PTPRD: variants seen among roughly 807,000 people sequenced by gnomAD.
The protein encoded by PTPRD is receptor-type tyrosine-protein phosphatase delta.
A neutral mutation model predicts 214.5 loss-of-function variants in PTPRD; 34 were observed. That is an observed-to-expected ratio of 0.16 (90% CI 0.12 to 0.21). The LOEUF (loss-of-function observed/expected upper bound fraction) is 0.21, where lower values mean the gene tolerates loss of function less well. PTPRD is among the 10% of genes least tolerant of loss of function. The pLI is 1.00. For synonymous variants in PTPRD, 1,128 were observed against 845.7 expected, an observed-to-expected ratio of 1.33 and a Z score of -5.79; for missense variants, 2,545 against 2,398.7, an observed-to-expected ratio of 1.06 and a Z score of -1.27.
intron 9 of PTPRD, among the ~76,000 whole-genome samples, chr9:9,258,418 C>A (rs533285398): frequency 6.7e-6 from 1 of 149,054 alleles, no homozygotes; most frequent in Admixed American, 6.8e-5. Flanking sequence ...ATTCATTGCA[C>A]GCTTCTATTA....
chr9:10,282,189 T>A (rs1490909653), intron 3 of PTPRD, among the ~76,000 whole-genome samples: 1 of 152,134 alleles, frequency 6.6e-6, no homozygotes, highest in African/African-American at 2.4e-5. Context: ...ATATAGAGAA[T>A]TTACTTAATA....
rs369089453 is a variant in PTPRD, at chr9:10,545,053, G to A, written c.-600+67345C>T. 1.6e-4 allele frequency among the ~76,000 whole-genome samples: 24 copies of A among 151,976 alleles called. 1 individual carries two copies. Among genetic ancestry groups the A allele is most frequent in the African/African-American group, 5.3e-4 (22 of 41,378 alleles). ...TAAAAGGGAGAAATGTCAATAAACC[G>A]AACTGCATTAGAGACGTATTTTACT... is the stretch of plus-strand genomic sequence containing the variant. On this transcript the variant is annotated intron_variant, in intron 2 of 45. Coordinates refer to ENST00000381196, the MANE Select transcript of PTPRD (RefSeq NM_002839.4).
intron 3 of PTPRD, among the ~76,000 whole-genome samples, chr9:10,035,082 C>T (rs934417513): frequency 1.3e-5 from 2 of 152,236 alleles, no homozygotes; most frequent in African/African-American, 4.8e-5. Flanking sequence ...AGTGTATAAG[C>T]ATTCCTTTTT....
chr9:8,356,239 G>A (rs371805762), intron 39 of PTPRD, among the ~76,000 whole-genome samples: 1 of 151,970 alleles, frequency 6.6e-6, no homozygotes, highest in Non-Finnish European at 1.5e-5. Context: ...CCCCAAATGC[G>A]AGCAAATCAG....
chr9:8,957,105 T>C (rs183023106), intron 11 of PTPRD, among the ~76,000 whole-genome samples: 1 of 151,974 alleles, frequency 6.6e-6, no homozygotes, highest in Admixed American at 6.6e-5. Flanking sequence ...TCAAATCCTT[T>C]CCTTGACAAA....
intron 11 of PTPRD, among the ~76,000 whole-genome samples, chr9:8,890,029 C>T (rs995232732): frequency 2.6e-5 from 4 of 152,160 alleles, no homozygotes; most frequent in African/African-American, 9.7e-5. Flanking sequence ...ATTTAAGGAA[C>T]CTCCACACTG....
chr9:8,872,138 A>T (rs923126438), intron 11 of PTPRD, among the ~76,000 whole-genome samples: 2 of 152,220 alleles, frequency 1.3e-5, no homozygotes, highest in Non-Finnish European at 2.9e-5. Context: ...ACCTGTGCTT[A>T]TGTCTCAGCG....
chr9:10,262,820 G>C (rs1288392482), intron 3 of PTPRD, among the ~76,000 whole-genome samples: 1 of 152,126 alleles, frequency 6.6e-6, no homozygotes, highest in Non-Finnish European at 1.5e-5. Context: ...ACTGATGCTT[G>C]ATGTGTGATA....
intron 3 of PTPRD, among the ~76,000 whole-genome samples, chr9:10,099,008 A>G (rs771560019): frequency 7.2e-5 from 11 of 151,824 alleles, no homozygotes; most frequent in African/African-American, 2.2e-4. Context: ...TCTTTTGACA[A>G]TATCATCTTT....
chr9:8,817,468 C>A (rs1406530204), intron 11 of PTPRD, among the ~76,000 whole-genome samples: 1 of 151,980 alleles, frequency 6.6e-6, no homozygotes, highest in Non-Finnish European at 1.5e-5. Flanking sequence ...AATTGTTTTT[C>A]TTTTTTTAAT....
chr9:9,389,745 A>G (rs2065144906), intron 9 of PTPRD, among the ~76,000 whole-genome samples: 1 of 152,178 alleles, frequency 6.6e-6, no homozygotes, highest in Non-Finnish European at 1.5e-5. Flanking sequence ...GTCCTAGAAT[A>G]TTCATTTACT....
chr9:8,611,968 A>AGAGGGGAGGGGAGGG (rs749103141), intron 14 of PTPRD, among the ~76,000 whole-genome samples: 1 of 114,818 alleles, frequency 8.7e-6, no homozygotes, highest in African/African-American at 3.2e-5. Flanking sequence ...AGAAAACAAA[A>AGAGGGGAGGGGAGGG]GAGGGGAGGG....
At chr9:9,450,457 T>C (rs2091833078) in intron 8 of PTPRD, among the ~76,000 whole-genome samples, 1 of 151,942 alleles carries the variant, frequency 6.6e-6, no homozygotes, top group South Asian at 2.1e-4. Context: ...ATTAAGGCCA[T>C]TCTTGCAGGA....
intron 2 of PTPRD, among the ~76,000 whole-genome samples, chr9:10,500,096 T>G (rs1431180059): frequency 1.3e-5 from 2 of 151,880 alleles, no homozygotes; most frequent in African/African-American, 4.8e-5. Flanking sequence ...ACATTTCTAC[T>G]AACGGATTTC....
intron 33 of PTPRD, among the ~76,000 whole-genome samples, chr9:8,459,418 G>C (rs1591094496): frequency 6.6e-6 from 1 of 151,904 alleles, no homozygotes. Flanking sequence ...ATACAATTTG[G>C]ATTGGAAAAA....
At chr9:8,861,016 C>T (rs766748698) in intron 11 of PTPRD, 7 of 152,288 alleles carry the variant, frequency 4.6e-5, no homozygotes, top group Non-Finnish European at 1.0e-4. Flanking sequence ...TAGGACAAGA[C>T]ATTTTCTTCG....
At chr9:8,652,616 G>A (rs1264890119) in intron 12 of PTPRD, among the ~76,000 whole-genome samples, 1 of 152,160 alleles carries the variant, frequency 6.6e-6, no homozygotes, top group East Asian at 1.9e-4. Context: ...CTTAGCTTTA[G>A]AAGCTAAAAA....
chr9:9,843,975 C>T (rs1410642340), intron 5 of PTPRD, among the ~76,000 whole-genome samples: 2 of 151,934 alleles, frequency 1.3e-5, no homozygotes, highest in African/African-American at 4.8e-5. Flanking sequence ...TAATTAGAAA[C>T]ATATACCTAT....
intron 4 of PTPRD, among the ~76,000 whole-genome samples, chr9:10,002,009 G>A (rs1392350231): frequency 6.6e-6 from 1 of 151,860 alleles, no homozygotes; most frequent in Admixed American, 6.6e-5. Context: ...AATTTTTATA[G>A]CAATGTTAAT....
Sources: gnomAD v4.1 joint callset for allele counts (sites outside exome capture counted in the v4.1 genomes callset) on GRCh38, gnomAD v4.1.1 for gene constraint, MANE v1.5 for transcripts, NCBI Gene and HGNC (gene_info 2026-07-23, HGNC 2026-07-21) for gene names.